The following CNTN6 variants were observed in gnomAD, a reference collection of about 807,000 sequenced individuals.
CNTN6 encodes contactin-6.
Under a neutral mutation model 122.8 loss-of-function variants are expected in CNTN6, and 137 were observed. The observed-to-expected ratio is 1.12, with a 90% CI of 0.97 to 1.29. The LOEUF is 1.29. Ranked by LOEUF, CNTN6 falls within the 50% of genes most tolerant of loss-of-function variation. The pLI is 0.00. For missense variants in CNTN6, 1,634 were observed against 1,223.4 expected (o/e 1.34, Z -5.01); for synonymous variants, 570 against 426.0 (o/e 1.34, Z -4.16).
chr3:1,363,904 C>T (rs1707832421), intron 12 of CNTN6, among the ~76,000 whole-genome samples: 1 of 151,914 alleles, frequency 6.6e-6, no homozygotes, highest in South Asian at 2.1e-4. Context: ...CCTTTTTCCA[C>T]ACCCTAGATA....
intron 8 of CNTN6, among the ~76,000 whole-genome samples, chr3:1,323,443 A>C (rs752112314): frequency 8.6e-5 from 13 of 151,854 alleles, no homozygotes; most frequent in Middle Eastern, 3.4e-3. Context: ...ATGGATACTT[A>C]GTCAATAACA....
chr3:1,145,532 A>G (rs1481595607), intron 1 of CNTN6, among the ~76,000 whole-genome samples: 2 of 152,200 alleles, frequency 1.3e-5, no homozygotes, highest in Non-Finnish European at 2.9e-5. Context: ...TAAGTGTACC[A>G]TGTAATTTAC....
intron 21 of CNTN6, among the ~76,000 whole-genome samples, 161 bp from the exon 22 acceptor site, chr3:1,402,157 G>C (rs1464060036): frequency 1.3e-5 from 2 of 151,672 alleles, no homozygotes; most frequent in Non-Finnish European, 2.9e-5. Context: ...TTTCTTAACA[G>C]GAGCAATGGA....
At position 1,373,743 on chromosome 3, in the gene CNTN6, T is replaced by G; in HGVS notation, c.1926T>G (p.Gly642=). The change falls in exon 15 of 23, where the codon GGT becomes GGG. Residue 642 remains glycine (G), a synonymous_variant. Transcript: ENST00000446702. The part of the protein sequence containing the change: ...TIQTRTPFSV[G]WQAVATVPEI... ...AGACTCGGACACCATTTTCTGTGGGTTGGCAGGCTGTTGCTACAGGTGAGT... is the reference window on the plus strand; with the variant it reads ...AGACTCGGACACCATTTTCTGTGGGGTGGCAGGCTGTTGCTACAGGTGAGT... 6.2e-7 allele frequency: 1 copy of G among 1,609,384 alleles called. No homozygotes were observed. The highest frequency in any genetic ancestry group is 8.5e-7 in the Non-Finnish European group (1 of 1,177,586).
chr3:1,179,471 C>A (rs1047853993), intron 2 of CNTN6, among the ~76,000 whole-genome samples: 2 of 152,024 alleles, frequency 1.3e-5, no homozygotes, highest in Non-Finnish European at 2.9e-5. Flanking sequence ...TGGTTTTAGG[C>A]GAATTATGTC....
intron 4 of CNTN6, among the ~76,000 whole-genome samples, chr3:1,266,324 C>G (rs1041945830): frequency 1.3e-5 from 2 of 152,088 alleles, no homozygotes; most frequent in African/African-American, 4.8e-5. Flanking sequence ...AAAGACCTTG[C>G]TTGGACTAAG....
chr3:1,310,678 T>A (rs1699085393), intron 7 of CNTN6, among the ~76,000 whole-genome samples: 1 of 152,182 alleles, frequency 6.6e-6, no homozygotes, highest in Admixed American at 6.6e-5. Context: ...GAAGAGATTA[T>A]GTACATAAAG....
chr3:1,373,888 C>T, intron 15 of CNTN6, 36 bp from the exon 16 acceptor site: 1 of 1,582,866 alleles, frequency 6.3e-7, no homozygotes, highest in African/African-American at 1.4e-5. Context: ...TTTGAGTAGT[C>T]CCAACCTAGG....
At chr3:1,357,046 C>G (rs968372781) in intron 12 of CNTN6, among the ~76,000 whole-genome samples, 6 of 151,792 alleles carry the variant, frequency 4.0e-5, no homozygotes, top group African/African-American at 1.4e-4. Context: ...ATATGTCACT[C>G]AGATTAAATT....
chr3:1,376,891 C>G (rs1380380427), intron 16 of CNTN6, 114 bp from the exon 17 acceptor site: 3 of 655,316 alleles, frequency 4.6e-6, no homozygotes, highest in East Asian at 5.3e-5. Context: ...ATGCAAGACT[C>G]TCTCACAGTA....
chr3:1,272,416 A>T (rs1209229896), intron 4 of CNTN6, among the ~76,000 whole-genome samples: 1 of 152,236 alleles, frequency 6.6e-6, no homozygotes, highest in Non-Finnish European at 1.5e-5. Flanking sequence ...GGATTCAATG[A>T]GTGTACTTAT....
intron 19 of CNTN6, among the ~76,000 whole-genome samples, chr3:1,385,345 CTCAT>C (rs1240381142): frequency 6.6e-6 from 1 of 151,796 alleles, no homozygotes; most frequent in African/African-American, 2.4e-5. Context: ...CTTTAGATAG[CTCAT>C]AAAATACTTT....
intron 2 of CNTN6, among the ~76,000 whole-genome samples, chr3:1,154,031 G>A (rs1045866702): frequency 6.6e-6 from 1 of 152,124 alleles, no homozygotes; most frequent in African/African-American, 2.4e-5. Context: ...TGACATCTTC[G>A]CAATTTCTAA....
At chr3:1,106,166 G>T (rs990838997) in intron 1 of CNTN6, among the ~76,000 whole-genome samples, 1 of 152,048 alleles carries the variant, frequency 6.6e-6, no homozygotes, top group Admixed American at 6.6e-5. Context: ...AGGGTAAAAG[G>T]AAATTGTAAT....
intron 1 of CNTN6, among the ~76,000 whole-genome samples, chr3:1,137,669 C>G (rs760585923): frequency 4.6e-5 from 7 of 152,162 alleles, no homozygotes; most frequent in Non-Finnish European, 1.0e-4. Context: ...TCACTGAATT[C>G]TCTTATGAAC....
intron 1 of CNTN6, among the ~76,000 whole-genome samples, chr3:1,129,532 G>C (rs2092277847): frequency 1.3e-5 from 2 of 152,032 alleles, no homozygotes; most frequent in Admixed American, 1.3e-4. Context: ...TTTCTGCACA[G>C]TCACTTTGCA....
chr3:1,287,281 T>C (rs9851949), intron 5 of CNTN6, among the ~76,000 whole-genome samples: 2,855 of 152,292 alleles, frequency 0.019, 41 homozygotes, highest in Non-Finnish European at 0.025. Flanking sequence ...TTAAGATGTT[T>C]AGTAATATCC....
Position 1,329,346 on chromosome 3 carries a change from T to C in CNTN6, c.1214-439T>C, listed in dbSNP as rs534624149. Among the ~76,000 whole-genome samples, 23 of 151,816 alleles carry C rather than the reference T, an allele frequency of 1.5e-4. No individual in the cohort carries two copies. In the South Asian group the frequency reaches 4.1e-3, roughly 27 times the overall value. ...AGACTTTCCTGGTCAGAATTAAAAT[T>C]CCTTCTTCGGCCTCTTTTGAAACCA... On this transcript the variant is annotated intron_variant, in intron 10 of 22. Coordinates refer to ENST00000446702, the MANE Select transcript of CNTN6 (RefSeq NM_001289080.2).
chr3:1,359,563 T>G (rs1032545274), intron 12 of CNTN6, among the ~76,000 whole-genome samples: 1 of 150,766 alleles, frequency 6.6e-6, no homozygotes, highest in Non-Finnish European at 1.5e-5. Context: ...TGACCATGAT[T>G]ACTTTATGCA....
Sources: allele counts gnomAD v4.1 joint callset (sites outside exome capture counted in the v4.1 genomes callset), GRCh38; gene constraint gnomAD v4.1.1; transcripts MANE v1.5; gene names NCBI Gene and HGNC (gene_info 2026-07-23, HGNC 2026-07-21).